Variants in KDM3A observed in about 807,000 individuals in gnomAD.
The protein encoded by KDM3A is lysine demethylase 3A.
KDM3A carries 60 observed loss-of-function variants against 158.0 expected under a neutral mutation model. The ratio of observed to expected loss-of-function variants is 0.38; its 90% CI spans 0.31 to 0.47. KDM3A has a LOEUF of 0.47. KDM3A is among the 20% of genes least tolerant of loss of function. The pLI is 0.99. For synonymous variants in KDM3A, 608 were observed against 549.3 expected, an observed-to-expected ratio of 1.11 and a Z score of -1.49; for missense variants, 1,319 against 1,574.3, an observed-to-expected ratio of 0.84 and a Z score of 2.74.
intron 9 of KDM3A, among the ~76,000 whole-genome samples, chr2:86,465,939 A>C (rs922832676): frequency 2.6e-4 from 3 of 11,670 alleles, no homozygotes; most frequent in South Asian, 2.3e-3. Flanking sequence ...ATTTACACAC[A>C]AAAAAAAAAA....
At chr2:86,464,694 T>A (rs1378293407) in intron 9 of KDM3A, among the ~76,000 whole-genome samples, 1 of 152,222 alleles carries the variant, frequency 6.6e-6, no homozygotes, top group African/African-American at 2.4e-5. Context: ...TAACTGTTAC[T>A]AACTTGTAGA....
intron 4 of KDM3A, among the ~76,000 whole-genome samples, chr2:86,453,341 C>T (rs1012745903): frequency 3.9e-5 from 6 of 152,160 alleles, no homozygotes; most frequent in Middle Eastern, 6.8e-3. Flanking sequence ...GTAGGCTGTA[C>T]GAAATTCCAC....
intron 11 of KDM3A, 65 bp from the exon 12 acceptor site, chr2:86,474,711 G>GTGTA: frequency 2.9e-6 from 2 of 686,702 alleles, no homozygotes; most frequent in South Asian, 3.2e-5. Flanking sequence ...TTGTGTGTGT[G>GTGTA]TGTGTGTGTG....
At position 86,451,138 on chromosome 2, in the gene KDM3A, A is replaced by T. The variant is rs1215254450; in HGVS notation, c.378A>T (p.Gly126=). 1 of 1,611,782 alleles carries T rather than the reference A, an allele frequency of 6.2e-7. No homozygotes were observed. Among genetic ancestry groups the T allele is most frequent in the African/African-American group, 1.3e-5 (1 of 74,918 alleles). ...CTCTGTTGGACAAAGCTGGTTTGGG[A>T]TCCATAACTTCTGTTCGCTTTCTGG... The part of the protein sequence containing the change: ...YKPLLDKAGL[G]SITSVRFLGD... Residue 126 remains glycine (G), a synonymous_variant, in exon 4 of 26, where the codon GGA becomes GGT. Coordinates refer to ENST00000312912, the MANE Select transcript of KDM3A (RefSeq NM_018433.6).
In KDM3A at chr2:86,449,829, A is replaced by C; in HGVS notation, c.209A>C (p.Glu70Ala). The change falls in exon 3 of 26, where the codon GAA (glutamate) becomes GCA (alanine). Residue 70 changes from glutamate (E) to alanine (A), a missense_variant. Physicochemically the swap from Glu to Ala is moderately radical, Grantham distance 107. Coordinates refer to ENST00000312912, the MANE Select transcript of KDM3A (RefSeq NM_018433.6). ...DLKVCVEFDG[E>A]SWRKRRWIEV... ...TAGGTGTGTGTGGAATTTGATGGGG[A>C]ATCTTGGAGGAAAAGAAGATGGATA... is the stretch of plus-strand genomic sequence containing the variant. The C allele has an allele frequency of 1.2e-6, 2 of 1,612,378 alleles. No homozygotes were observed. The highest frequency in any genetic ancestry group is 1.7e-6 in the Non-Finnish European group (2 of 1,179,388).
chr2:86,463,519 C>G (rs1315299519), intron 8 of KDM3A, among the ~76,000 whole-genome samples: 1 of 152,226 alleles, frequency 6.6e-6, no homozygotes, highest in Non-Finnish European at 1.5e-5. Flanking sequence ...CTTGGGATGA[C>G]TTCTGTGACT....
Position 86,466,422 on chromosome 2 carries a change from A to T in KDM3A, c.1058A>T (p.Lys353Met). Residue 353 changes from lysine (K) to methionine (M), a missense_variant, in exon 10 of 26, where the codon AAG (lysine) becomes ATG (methionine). This residue lies in a region of KDM3A where 652 missense variants were observed against 627.2 expected (regional missense o/e 1.04). Coordinates refer to ENST00000312912, the MANE Select transcript of KDM3A (RefSeq NM_018433.6). Reference protein sequence around the residue: ...PEEISSCLNTKSEALRTKPDV... With the variant: ...PEEISSCLNTMSEALRTKPDV... ...GAAATTTCTTCCTGTCTAAATACAAAGTCTGAAGCTCTGAGAACAAAACCA... is the reference window on the plus strand; with the variant it reads ...GAAATTTCTTCCTGTCTAAATACAATGTCTGAAGCTCTGAGAACAAAACCA... 1.2e-6 allele frequency: 2 copies of T among 1,613,520 alleles called. No individual in the cohort carries two copies. Among genetic ancestry groups the T allele is most frequent in the South Asian group, 1.1e-5 (1 of 91,054 alleles).
In KDM3A at chr2:86,482,062, CTGG is replaced by C; in HGVS notation, c.2647_2649del (p.Gly883del). The C allele has an allele frequency of 1.2e-6, 2 of 1,614,154 alleles. No homozygotes were observed. Among genetic ancestry groups the C allele is most frequent in the Middle Eastern group, 1.7e-4 (1 of 6,060 alleles). On this transcript the variant is annotated inframe_deletion, in exon 17 of 26. Coordinates refer to ENST00000312912, the MANE Select transcript of KDM3A (RefSeq NM_018433.6). ...TTGACACCCGTAAGCAACAACAATT[CTGG>C]TTTCCTCCGGAATCTCTTGAATTCT...
In KDM3A at chr2:86,442,168, T is replaced by A; in HGVS notation, c.121T>A (p.Trp41Arg). 1.9e-6 allele frequency: 3 copies of A among 1,613,902 alleles called. No individual in the cohort carries two copies. Among genetic ancestry groups the A allele is most frequent in the Non-Finnish European group, 2.5e-6 (3 of 1,179,972 alleles). ...CTGGGACGTGGAGCGCGTCGCCGAG[T>A]GGCCCTGGCTCTCCGGGACCATTCG... Reference protein sequence around the residue: ...DSWDVERVAEWPWLSGTIRAV... With the variant: ...DSWDVERVAERPWLSGTIRAV... The change falls in exon 2 of 26, where the codon TGG becomes AGG. Residue 41 changes from tryptophan to arginine, a missense_variant. Transcript: ENST00000312912.
intron 4 of KDM3A, 103 bp from the exon 5 acceptor site, chr2:86,454,982 A>T: frequency 1.5e-6 from 1 of 647,990 alleles, no homozygotes; most frequent in Non-Finnish European, 2.6e-6. Flanking sequence ...TGTTGACACT[A>T]CTTTAACCCA....
At chr2:86,440,037 T>C (rs1214527111), upstream of KDM3A, among the ~76,000 whole-genome samples, 2 of 152,340 alleles carry the variant, frequency 1.3e-5, no homozygotes, top group Non-Finnish European at 2.9e-5. Context: ...GTTTGGACTT[T>C]TCACATGAAA....
At chr2:86,481,424 T>C (rs1673921160) in intron 16 of KDM3A, among the ~76,000 whole-genome samples, 1 of 152,068 alleles carries the variant, frequency 6.6e-6, no homozygotes, top group Admixed American at 6.5e-5. Flanking sequence ...TGCTAACATT[T>C]GTATTTTTAG....
chr2:86,460,834 A>G (rs1573165870), intron 8 of KDM3A: 1 of 152,034 alleles, frequency 6.6e-6, no homozygotes, highest in Non-Finnish European at 1.5e-5. Flanking sequence ...CTCTTCAGGT[A>G]AGAAGAAACT....
chr2:86,445,572 C>G (rs1682925109), intron 2 of KDM3A, among the ~76,000 whole-genome samples: 1 of 152,122 alleles, frequency 6.6e-6, no homozygotes, highest in Non-Finnish European at 1.5e-5. Flanking sequence ...TCTAATGCCC[C>G]TTCTTAGTCC....
chr2:86,455,294 CTT>C (rs767439758), intron 5 of KDM3A, 107 bp downstream of exon 5: 9,718 of 515,578 alleles, frequency 0.019, no homozygotes, highest in South Asian at 0.024. Context: ...TTTCTTTTTT[CTT>C]TTTTTTTTTT....
At chr2:86,466,320 T>C in intron 9 of KDM3A, 52 bp from the exon 10 acceptor site, 1 of 1,523,810 alleles carries the variant, frequency 6.6e-7, no homozygotes, top group Non-Finnish European at 8.8e-7. Flanking sequence ...GGGAAGATAA[T>C]GGAGAGATAA....
Position 86,456,964 on chromosome 2 carries a change from C to A in KDM3A, c.755-19C>A. 2 of 1,585,724 alleles carry A rather than the reference C, an allele frequency of 1.3e-6. No individual in the cohort carries two copies. The highest frequency in any genetic ancestry group is 1.7e-6 in the Non-Finnish European group (2 of 1,158,896). On this transcript the variant is annotated intron_variant, in intron 7 of 25. Transcript: ENST00000312912. ...AGAGAAACAGGGAAGCCAACTTAAC[C>A]TATTTTTAAATATTTTAGGTAATTC...
At chr2:86,468,822 G>A (rs1673273838) in intron 10 of KDM3A, among the ~76,000 whole-genome samples, 1 of 152,058 alleles carries the variant, frequency 6.6e-6, no homozygotes, top group Non-Finnish European at 1.5e-5. Flanking sequence ...TTTTTCTCTT[G>A]ACTTGGCTTT....
upstream of KDM3A, among the ~76,000 whole-genome samples, chr2:86,439,211 T>G (rs1026293848): frequency 6.6e-5 from 10 of 152,062 alleles, no homozygotes; most frequent in African/African-American, 2.4e-4. Flanking sequence ...GCATGCTCTA[T>G]TTAGCCCTAA....
Sources: gnomAD v4.1 joint callset for allele counts (sites outside exome capture counted in the v4.1 genomes callset) on GRCh38, gnomAD v4.1.1 for gene constraint, gnomAD v4.1.1 regional missense constraint, MANE v1.5 for transcripts, NCBI Gene and HGNC (gene_info 2026-07-23, HGNC 2026-07-21) for gene names.